The following SLCO4A1 variants were observed in gnomAD, a reference collection of about 807,000 sequenced individuals.
The protein encoded by SLCO4A1 is solute carrier organic anion transporter family member 4A1.
SLCO4A1 carries 51 observed loss-of-function variants against 64.6 expected under a neutral mutation model. That is an observed-to-expected ratio of 0.79 (90% CI 0.63 to 1.00). The LOEUF is 1.00. Ranked by LOEUF, SLCO4A1 falls within the 50% of genes least tolerant of loss-of-function variation. The pLI is 0.00. For missense variants in SLCO4A1, 919 were observed against 980.5 expected (o/e 0.94, Z 0.84); for synonymous variants, 471 against 444.9 (o/e 1.06, Z -0.74).
chr20:62,658,149 A>C (rs1016568601), intron 2 of SLCO4A1, among the ~76,000 whole-genome samples: 2 of 152,222 alleles, frequency 1.3e-5, no homozygotes, highest in African/African-American at 4.8e-5. Context: ...CGGACTCTGC[A>C]GTGACCTCAG....
chr20:62,656,293 T>G, intron 1 of SLCO4A1, 66 bp from the exon 2 acceptor site: 1 of 629,514 alleles, frequency 1.6e-6, no homozygotes, highest in East Asian at 2.8e-5. Flanking sequence ...TGCTGGAATG[T>G]TCCCTCCTGG....
chr20:62,667,432 G>A (rs1379793611), intron 7 of SLCO4A1: 5 of 335,680 alleles, frequency 1.5e-5, no homozygotes, highest in Non-Finnish European at 2.7e-5. Context: ...CTTTCCTAAT[G>A]TTTGTATTTG....
intron 3 of SLCO4A1, among the ~76,000 whole-genome samples, chr20:62,659,897 C>T (rs1984445721): frequency 6.6e-6 from 1 of 152,268 alleles, no homozygotes; most frequent in Non-Finnish European, 1.5e-5. Context: ...GCTTCTACCA[C>T]TCCACGGCCG....
chr20:62,647,651 G>A (rs1399709330), intron 1 of SLCO4A1, among the ~76,000 whole-genome samples: 1 of 152,406 alleles, frequency 6.6e-6, no homozygotes. Flanking sequence ...CACGCACTGC[G>A]CTGAGAGCGC....
At chr20:62,668,890 C>G in intron 10 of SLCO4A1, 40 bp from the exon 11 acceptor site, 2 of 1,586,914 alleles carry the variant, frequency 1.3e-6, no homozygotes, top group Non-Finnish European at 8.5e-7. Context: ...TAGCCCCTAC[C>G]CACCAGGAGT....
chr20:62,666,585 A>AGG lies in SLCO4A1; in HGVS notation c.1472+11_1472+12insGG. The AGG allele has an allele frequency of 6.2e-7, 1 of 1,610,462 alleles. No individual in the cohort carries two copies. The highest frequency in any genetic ancestry group is 1.7e-5 in the Admixed American group (1 of 60,010). On this transcript the variant is annotated intron_variant, in intron 7 of 11. Coordinates refer to ENST00000217159, the MANE Select transcript of SLCO4A1 (RefSeq NM_016354.4). Reference sequence around the variant, plus strand: ...CCAGCTACGGCGGGAGGTGAGGGCCAGATGGCACCTGGGTACGCGTCGGGG... The same window carrying AGG: ...CCAGCTACGGCGGGAGGTGAGGGCCAGGGATGGCACCTGGGTACGCGTCGGGG...
intron 1 of SLCO4A1, among the ~76,000 whole-genome samples, chr20:62,647,829 G>A (rs543630900): frequency 6.6e-6 from 1 of 152,340 alleles, no homozygotes; most frequent in East Asian, 1.9e-4. Context: ...GTGGCCACTA[G>A]CTCCTCCCAG....
intron 5 of SLCO4A1, among the ~76,000 whole-genome samples, chr20:62,662,180 G>A (rs924816584): frequency 4.6e-5 from 7 of 152,142 alleles, no homozygotes; most frequent in Non-Finnish European, 8.8e-5. Context: ...AGCTGTCCAC[G>A]GCAGAGAGGA....
At chr20:62,676,251 T>TAA (rs113930880), downstream of SLCO4A1, among the ~76,000 whole-genome samples, 1 of 148,330 alleles carries the variant, frequency 6.7e-6, no homozygotes, top group South Asian at 2.1e-4. Flanking sequence ...CCTGTCTCTG[T>TAA]AAAAAAAAAA....
chr20:62,672,424 C>A, downstream of SLCO4A1: 1 of 315,360 alleles, frequency 3.2e-6, no homozygotes, highest in Non-Finnish European at 4.7e-6. Context: ...TATCCACAGG[C>A]TCCCCCGTAA....
Position 62,656,855 on chromosome 20 carries a change from G to A in SLCO4A1, c.401G>A (p.Arg134His), listed in dbSNP as rs79135275. The stretch of plus-strand genomic sequence containing the variant: ...ACAGTCATCACCTCCCTGGAGCGCC[G>A]CTATGACCTGCACAGCTACCAGAGC... ...INTVITSLERRYDLHSYQSGL... is the reference protein window; with the variant it reads ...INTVITSLERHYDLHSYQSGL... The change falls in exon 2 of 12, where the codon CGC becomes CAC. Residue 134 changes from arginine to histidine, a missense_variant. Coordinates refer to ENST00000217159, the MANE Select transcript of SLCO4A1 (RefSeq NM_016354.4). 1.2e-4 allele frequency: 194 copies of A among 1,601,322 alleles called. No homozygotes were observed. Among genetic ancestry groups the A allele is most frequent in the Non-Finnish European group, 1.5e-4 (181 of 1,171,686 alleles).
chr20:62,673,165 G>A (rs1437573050), downstream of SLCO4A1, among the ~76,000 whole-genome samples: 1 of 140,946 alleles, frequency 7.1e-6, no homozygotes, highest in African/African-American at 2.6e-5. Context: ...GGAGGGGCAT[G>A]GGGGGGGCAC....
At chr20:62,681,934 T>C (rs1987851879) in intron 2 of SLCO4A1, among the ~76,000 whole-genome samples, 1 of 152,164 alleles carries the variant, frequency 6.6e-6, no homozygotes, top group Admixed American at 6.5e-5. Flanking sequence ...ATGAACTAAT[T>C]TTATGGAAAA....
intron 7 of SLCO4A1, chr20:62,667,442 G>T: frequency 5.5e-6 from 2 of 365,854 alleles, no homozygotes; most frequent in Admixed American, 4.2e-5. Context: ...GTTTGTATTT[G>T]ATCCATATGA....
chr20:62,659,020 C>T (rs1466595167), intron 3 of SLCO4A1, among the ~76,000 whole-genome samples: 2 of 152,232 alleles, frequency 1.3e-5, no homozygotes, highest in Non-Finnish European at 2.9e-5. Context: ...CTTGCAAAGC[C>T]CAGCGAGCCC....
chr20:62,681,414 T>G (rs979018939), intron 2 of SLCO4A1, among the ~76,000 whole-genome samples: 4 of 152,172 alleles, frequency 2.6e-5, no homozygotes, highest in Non-Finnish European at 4.4e-5. Flanking sequence ...GTGTGCGTGT[T>G]TATTAAGCCT....
chr20:62,648,810 G>A (rs934176911), intron 1 of SLCO4A1, among the ~76,000 whole-genome samples: 48 of 152,176 alleles, frequency 3.2e-4, no homozygotes, highest in African/African-American at 1.1e-3. Flanking sequence ...TGTCCCCACC[G>A]GCCAGGCGGT....
At position 62,667,791 on chromosome 20, in the gene SLCO4A1, G is replaced by A; in HGVS notation, c.1519G>A (p.Ala507Thr). 6.2e-7 allele frequency: 1 copy of A among 1,612,058 alleles called. No individual in the cohort carries two copies. The highest frequency in any genetic ancestry group is 8.5e-7 in the Non-Finnish European group (1 of 1,179,846). The change falls in exon 8 of 12, where the codon GCC becomes ACC. Residue 507 changes from alanine to threonine, a missense_variant. Transcript: ENST00000217159. ...HLNLTAPCNA[A>T]CSCQPEHYSP... is the part of the protein sequence containing the mutation. ...GAACCTAACGGCTCCCTGCAACGCT[G>A]CCTGCAGCTGCCAGCCAGAACACTA...
intron 1 of SLCO4A1, among the ~76,000 whole-genome samples, chr20:62,646,112 C>T (rs756558616): frequency 3.9e-5 from 6 of 152,144 alleles, no homozygotes; most frequent in Non-Finnish European, 8.8e-5. Context: ...TCAAGCTCCC[C>T]GAGGGCCCTT....
Sources: allele counts gnomAD v4.1 joint callset (sites outside exome capture counted in the v4.1 genomes callset), GRCh38; gene constraint gnomAD v4.1.1; transcripts MANE v1.5; gene names NCBI Gene and HGNC (gene_info 2026-07-23, HGNC 2026-07-21).